PTPRE: variants seen among roughly 807,000 people sequenced by gnomAD.
PTPRE encodes the protein receptor-type tyrosine-protein phosphatase epsilon.
PTPRE carries 51 observed loss-of-function variants against 102.0 expected under a neutral mutation model. The ratio of observed to expected loss-of-function variants is 0.50; its 90% CI spans 0.40 to 0.63. The LOEUF (loss-of-function observed/expected upper bound fraction) is 0.63, where lower values mean the gene tolerates loss of function less well. Ranked by LOEUF, PTPRE falls within the 30% of genes least tolerant of loss-of-function variation. The probability of loss-of-function intolerance (pLI) is 0.00; values close to 1 mark genes in which losing one functional copy is unlikely to be tolerated. For missense variants in PTPRE, 752 were observed against 915.1 expected (o/e 0.82, Z 2.30); for synonymous variants, 345 against 348.2 (o/e 0.99, Z 0.10).
At chr10:128,043,932 G>A (rs1847902115) in intron 3 of PTPRE, among the ~76,000 whole-genome samples, 1 of 152,128 alleles carries the variant, frequency 6.6e-6, no homozygotes, top group South Asian at 2.1e-4. Flanking sequence ...ATATGGGGAC[G>A]TGTCTTAAAA....
chr10:127,983,824 A>G (rs923100826), intron 2 of PTPRE, among the ~76,000 whole-genome samples: 1 of 152,076 alleles, frequency 6.6e-6, no homozygotes, highest in Non-Finnish European at 1.5e-5. Flanking sequence ...GCTCCCCATC[A>G]GTGAGTCAGC....
At chr10:128,040,820 A>G in intron 2 of PTPRE, 55 bp from the exon 3 acceptor site, 1 of 1,388,432 alleles carries the variant, frequency 7.2e-7, no homozygotes, top group Non-Finnish European at 1.0e-6. Flanking sequence ...CTGGCACCGG[A>G]GGGTCCCACA....
In PTPRE at chr10:128,079,754, G is replaced by T; in HGVS notation, c.2028+59G>T. 4 of 1,557,552 alleles carry T rather than the reference G, an allele frequency of 2.6e-6. No individual in the cohort carries two copies. In the Admixed American group the frequency reaches 7.0e-5, roughly 27 times the overall value. On this transcript the variant is annotated intron_variant, in intron 20 of 20. Transcript: ENST00000254667. ...TGGAGAATTATTTCATGTTGTATTT[G>T]ATGTATGTTTCATTAAAGGACCTTA...
chr10:127,990,703 G>GA (rs1852557341), intron 2 of PTPRE, among the ~76,000 whole-genome samples: 1 of 152,292 alleles, frequency 6.6e-6, no homozygotes, highest in East Asian at 1.9e-4. Context: ...GTTTTGGGGT[G>GA]AATGTTTTGT....
At chr10:128,037,324 G>A (rs1490388637) in intron 2 of PTPRE, among the ~76,000 whole-genome samples, 4 of 152,250 alleles carry the variant, frequency 2.6e-5, no homozygotes, top group Admixed American at 6.5e-5. Context: ...CGTCTCCCTC[G>A]CCTTCCGTCC....
intron 2 of PTPRE, among the ~76,000 whole-genome samples, chr10:127,990,386 T>C (rs1042473851): frequency 5.7e-5 from 7 of 122,678 alleles, no homozygotes; most frequent in African/African-American, 2.3e-4. Context: ...CACTCCAGCC[T>C]GGGTGACAGA....
chr10:128,021,652 T>C (rs1337726280), intron 2 of PTPRE, among the ~76,000 whole-genome samples: 5 of 152,174 alleles, frequency 3.3e-5, no homozygotes, highest in Non-Finnish European at 5.9e-5. Flanking sequence ...GTCATGAAAT[T>C]TCCCACCTCC....
intron 10 of PTPRE, 135 bp from the exon 11 acceptor site, chr10:128,065,940 G>A (rs1564952463): frequency 5.3e-6 from 7 of 1,316,284 alleles, no homozygotes; most frequent in Non-Finnish European, 4.4e-6. Flanking sequence ...GTCGACACAC[G>A]TGAACTTGTT....
chr10:128,020,838 T>C (rs10764732), intron 2 of PTPRE, among the ~76,000 whole-genome samples: 104,151 of 151,810 alleles, frequency 0.69, 36,082 homozygotes, highest in African/African-American at 0.77. Context: ...GAGGAAGCGG[T>C]GTGATTTGAT....
At chr10:128,047,914 T>C in intron 5 of PTPRE, 77 bp downstream of exon 5, 1 of 1,430,462 alleles carries the variant, frequency 7.0e-7, no homozygotes, top group African/African-American at 1.4e-5. Flanking sequence ...GCTTTCTGCC[T>C]TTAACGTTCA....
In PTPRE at chr10:128,070,695, A is replaced by G; in HGVS notation, c.1294-113A>G. The G allele has an allele frequency of 2.4e-6, 3 of 1,261,896 alleles. No individual in the cohort carries two copies. The highest frequency in any genetic ancestry group is 2.2e-6 in the Non-Finnish European group (2 of 901,704). 78.2% of individuals were successfully genotyped at this position (1,261,896 alleles called of 1,614,324 possible). A position where few individuals can be genotyped will look rare whatever the true frequency, so the allele number is the denominator to read the frequency against. ...ATGCTAAGGAGGCTTCCTGGGTTGGAGAGTGGTTTCCTTTGAGCAGGCGTC... is the reference window on the plus strand; with the variant it reads ...ATGCTAAGGAGGCTTCCTGGGTTGGGGAGTGGTTTCCTTTGAGCAGGCGTC... On this transcript the variant is annotated intron_variant, in intron 14 of 20. Coordinates refer to ENST00000254667, the MANE Select transcript of PTPRE (RefSeq NM_006504.6). The surrounding 1 kb of genome is among the most constrained non-coding windows in gnomAD (Gnocchi z 4.8).
intron 1 of PTPRE, among the ~76,000 whole-genome samples, chr10:127,926,804 CTTTTTTTTTT>C (rs150223324): frequency 3.6e-5 from 3 of 82,684 alleles, no homozygotes; most frequent in South Asian, 1.1e-3. Flanking sequence ...AGAGAGTTGT[CTTTTTTTTTT>C]TTTTTTTTTT....
intron 1 of PTPRE, among the ~76,000 whole-genome samples, chr10:127,952,511 T>C (rs942254931): frequency 6.6e-6 from 1 of 152,160 alleles, no homozygotes; most frequent in Non-Finnish European, 1.5e-5. Flanking sequence ...TCAGGGGAGC[T>C]GACAAGGATT....
intron 1 of PTPRE, among the ~76,000 whole-genome samples, chr10:127,932,070 A>G (rs1847486229): frequency 6.6e-6 from 1 of 152,216 alleles, no homozygotes; most frequent in Non-Finnish European, 1.5e-5. Context: ...TATGATGAAT[A>G]TATTAATTTT....
chr10:128,004,139 G>A (rs1343115632), intron 2 of PTPRE, among the ~76,000 whole-genome samples: 3 of 151,634 alleles, frequency 2.0e-5, no homozygotes, highest in African/African-American at 7.3e-5. Context: ...TGCAACAAAT[G>A]TTAGGTGTTA....
intron 10 of PTPRE, among the ~76,000 whole-genome samples, chr10:128,064,150 G>A (rs968115401): frequency 2.0e-5 from 3 of 152,206 alleles, no homozygotes; most frequent in Non-Finnish European, 2.9e-5. Context: ...CAGGCCTTGG[G>A]GAGCTCAGCT....
At chr10:128,074,454 T>C (rs973777155) in intron 17 of PTPRE, among the ~76,000 whole-genome samples, 1 of 152,300 alleles carries the variant, frequency 6.6e-6, no homozygotes, top group East Asian at 1.9e-4. Context: ...TCACCTGAGG[T>C]CAGGAGTTCG....
chr10:128,047,014 G>A (rs571017250), intron 3 of PTPRE, among the ~76,000 whole-genome samples: 36 of 152,316 alleles, frequency 2.4e-4, no homozygotes, highest in East Asian at 9.7e-4. Flanking sequence ...GCTGAGCTAC[G>A]CCGAGTCAGC....
chr10:127,979,250 A>T (rs1026365456), intron 1 of PTPRE, among the ~76,000 whole-genome samples: 1 of 151,878 alleles, frequency 6.6e-6, no homozygotes, highest in African/African-American at 2.4e-5. Flanking sequence ...CTTCTCACTG[A>T]CCCCACTTCA....
Sources: allele counts gnomAD v4.1 joint callset (sites outside exome capture counted in the v4.1 genomes callset), GRCh38; gene constraint gnomAD v4.1.1; non-coding constraint Gnocchi (gnomAD v3.1); transcripts MANE v1.5; gene names NCBI Gene and HGNC (gene_info 2026-07-23, HGNC 2026-07-21).